The following RBFOX1 variants were observed in gnomAD, a reference collection of about 807,000 sequenced individuals.
RBFOX1 encodes the protein RNA binding protein fox-1 homolog 1.
A neutral mutation model predicts 57.7 loss-of-function variants in RBFOX1; 8 were observed. The observed-to-expected ratio is 0.14, with a 90% confidence interval of 0.08 to 0.25. The LOEUF (loss-of-function observed/expected upper bound fraction) is 0.25, where lower values mean the gene tolerates loss of function less well. Among genes scored for constraint, RBFOX1 ranks in the 10% least tolerant of loss-of-function variants. RBFOX1 has a pLI of 1.00. For missense variants in RBFOX1, 611 were observed against 548.5 expected (o/e 1.11, Z -1.14); for synonymous variants, 326 against 222.4 (o/e 1.47, Z -4.15).
chr16:6,824,195 A>G (rs2091788538), intron 3 of RBFOX1, among the ~76,000 whole-genome samples: 1 of 152,256 alleles, frequency 6.6e-6, no homozygotes, highest in Non-Finnish European at 1.5e-5. Context: ...ACCTGAGGTC[A>G]GGAGTTCGAG....
intron 3 of RBFOX1, among the ~76,000 whole-genome samples, chr16:5,645,630 G>T (rs981811236): frequency 1.3e-5 from 2 of 152,138 alleles, no homozygotes; most frequent in Admixed American, 6.5e-5. Flanking sequence ...GAATTTCCTT[G>T]GGAAAGATTC....
intron 14 of RBFOX1, among the ~76,000 whole-genome samples, chr16:7,677,234 A>T (rs2073608779): frequency 6.6e-6 from 1 of 151,980 alleles, no homozygotes; most frequent in Non-Finnish European, 1.5e-5. Flanking sequence ...ACAGACCATG[A>T]TCCTACAAGG....
rs149424612 is a variant in RBFOX1 at position 7,088,726 on chromosome 16, G to C, written c.27+36628G>C. Among the ~76,000 whole-genome samples the C allele has an allele frequency of 3.3e-5, 5 of 152,240 alleles. No homozygotes were observed. The East Asian group carries it at 9.7e-4, about 29-fold the overall frequency. ...ATCCTAGTGTAGTTTAGCCAATAAA[G>C]AGCATGTGTGAATTTCTTATGCCAG... On this transcript the variant is annotated intron_variant, in intron 4 of 15. Transcript: ENST00000550418.
At chr16:5,747,505 G>A (rs1186306760) in intron 3 of RBFOX1, among the ~76,000 whole-genome samples, 3 of 152,092 alleles carry the variant, frequency 2.0e-5, no homozygotes, top group South Asian at 2.1e-4. Flanking sequence ...CTGTGAATCT[G>A]TCTGATGCTA....
chr16:6,206,596 C>T (rs191386649), intron 1 of RBFOX1, among the ~76,000 whole-genome samples: 11 of 152,278 alleles, frequency 7.2e-5, no homozygotes, highest in African/African-American at 2.6e-4. Flanking sequence ...TTAAATTAAA[C>T]CTTTCCCAAA....
intron 4 of RBFOX1, among the ~76,000 whole-genome samples, chr16:7,265,918 G>A (rs1203163882): frequency 6.7e-6 from 1 of 148,974 alleles, no homozygotes; most frequent in African/African-American, 2.5e-5. Context: ...CTTGCTTGGT[G>A]CTGTCTTCAC....
chr16:6,872,641 A>G (rs1252092248), intron 3 of RBFOX1, among the ~76,000 whole-genome samples: 2 of 152,226 alleles, frequency 1.3e-5, no homozygotes, highest in Non-Finnish European at 2.9e-5. Flanking sequence ...TGCAGTGGCA[A>G]CGGTTAAAGT....
At chr16:6,839,281 G>T (rs1254981484) in intron 3 of RBFOX1, among the ~76,000 whole-genome samples, 1 of 151,992 alleles carries the variant, frequency 6.6e-6, no homozygotes, top group African/African-American at 2.4e-5. Context: ...CACTGTGCCC[G>T]GCACATCATT....
intron 4 of RBFOX1, among the ~76,000 whole-genome samples, chr16:7,080,482 G>C (rs879587380): frequency 6.6e-6 from 1 of 152,100 alleles, no homozygotes; most frequent in Admixed American, 6.5e-5. Flanking sequence ...TCATTCCTTA[G>C]GGAATGTGTG....
intron 3 of RBFOX1, among the ~76,000 whole-genome samples, chr16:6,790,612 T>G (rs1274254731): frequency 1.3e-5 from 2 of 152,182 alleles, no homozygotes; most frequent in Admixed American, 6.5e-5. Context: ...AGCACATGTT[T>G]TTAAGTCTCT....
chr16:7,354,344 C>T (rs906136574), intron 4 of RBFOX1, among the ~76,000 whole-genome samples: 1 of 152,134 alleles, frequency 6.6e-6, no homozygotes, highest in Non-Finnish European at 1.5e-5. Flanking sequence ...GAAAACAAAG[C>T]AATGTCATCA....
chr16:5,398,451 GTA>G (rs2066624273), intron 1 of RBFOX1, among the ~76,000 whole-genome samples: 3 of 151,962 alleles, frequency 2.0e-5, no homozygotes, highest in Non-Finnish European at 1.5e-5. Context: ...GTGCTTGTGT[GTA>G]TGTGTATGCA....
intron 4 of RBFOX1, among the ~76,000 whole-genome samples, chr16:6,009,243 G>A (rs879838736): frequency 2.0e-5 from 3 of 152,052 alleles, no homozygotes; most frequent in African/African-American, 7.2e-5. Context: ...AAAAAGCCAC[G>A]ATGGTACCTC....
At chr16:6,320,201 T>C (rs1457363511) in intron 2 of RBFOX1, among the ~76,000 whole-genome samples, 8 of 152,192 alleles carry the variant, frequency 5.3e-5, no homozygotes, top group African/African-American at 1.9e-4. Flanking sequence ...AGCGTAACCC[T>C]AATCAGCTGA....
intron 3 of RBFOX1, among the ~76,000 whole-genome samples, chr16:5,852,189 G>C (rs1567625261): frequency 6.6e-6 from 1 of 152,226 alleles, no homozygotes; most frequent in South Asian, 2.1e-4. Flanking sequence ...TATCTTCCAA[G>C]ATCGTGCCTT....
chr16:6,965,114 A>G (rs2083829200), intron 3 of RBFOX1, among the ~76,000 whole-genome samples: 1 of 151,908 alleles, frequency 6.6e-6, no homozygotes, highest in Non-Finnish European at 1.5e-5. Context: ...GGGTTTATCT[A>G]GACTCTGCCT....
chr16:5,553,430 C>G (rs931199205), intron 2 of RBFOX1, among the ~76,000 whole-genome samples: 1 of 152,070 alleles, frequency 6.6e-6, no homozygotes, highest in East Asian at 1.9e-4. Flanking sequence ...ATTCTCCCGC[C>G]TCAGCCTCCC....
intron 3 of RBFOX1, among the ~76,000 whole-genome samples, chr16:6,842,266 AT>A (rs1422125990): frequency 6.6e-6 from 1 of 152,082 alleles, no homozygotes; most frequent in Non-Finnish European, 1.5e-5. Context: ...TGTGGCATAT[AT>A]TTTTCTGTAA....
intron 3 of RBFOX1, among the ~76,000 whole-genome samples, chr16:6,842,723 A>G (rs1013430127): frequency 2.7e-5 from 4 of 150,068 alleles, no homozygotes; most frequent in Non-Finnish European, 5.9e-5. Context: ...TTACATAGGT[A>G]TACATGTGCC....
Sources: allele counts gnomAD v4.1 joint callset (sites outside exome capture counted in the v4.1 genomes callset), GRCh38; gene constraint gnomAD v4.1.1; transcripts MANE v1.5; gene names NCBI Gene and HGNC (gene_info 2026-07-23, HGNC 2026-07-21).